Variants in SGSM1 observed in about 807,000 individuals in gnomAD.
SGSM1 encodes the protein RUN and TBC1 domain containing 2.
SGSM1 carries 73 observed loss-of-function variants against 133.8 expected under a neutral mutation model. The observed-to-expected ratio is 0.55, with a 90% CI of 0.45 to 0.66. The LOEUF is 0.66. Ranked by LOEUF, SGSM1 falls within the 30% of genes least tolerant of loss-of-function variation. The pLI is 0.00. For synonymous variants in SGSM1, 563 were observed against 573.0 expected (o/e 0.98, Z 0.25); for missense variants, 1,213 against 1,448.1 (o/e 0.84, Z 2.64).
At chr22:24,906,824 G>A (rs2123723878) in intron 21 of SGSM1, among the ~76,000 whole-genome samples, 1 of 152,238 alleles carries the variant, frequency 6.6e-6, no homozygotes, top group South Asian at 2.1e-4. Context: ...GGTGGCGCAT[G>A]CCTCTAATTC....
intron 13 of SGSM1, 94 bp from the exon 14 acceptor site, chr22:24,879,368 C>G: frequency 8.5e-7 from 1 of 1,181,084 alleles, no homozygotes; most frequent in South Asian, 1.4e-5. Context: ...TGATATTAAT[C>G]TGCCCTCTAG....
intron 8 of SGSM1, among the ~76,000 whole-genome samples, chr22:24,858,617 CAGAGCG>C (rs1930944409): frequency 7.6e-6 from 1 of 132,364 alleles, no homozygotes; most frequent in Non-Finnish European, 1.5e-5. Flanking sequence ...GCCTTGGCAA[CAGAGCG>C]AGACTCCATC....
intron 22 of SGSM1, among the ~76,000 whole-genome samples, chr22:24,913,501 G>A (rs1327599579): frequency 2.0e-5 from 3 of 152,108 alleles, no homozygotes; most frequent in Non-Finnish European, 4.4e-5. Flanking sequence ...CTCCCCAGAG[G>A]AATTAAGACA....
rs921229216 is a variant in SGSM1 at position 24,819,155 on chromosome 22, A to C, written c.63+12671A>C. Among the ~76,000 whole-genome samples the C allele has an allele frequency of 2.7e-5, 3 of 110,920 alleles. No individual in the cohort carries two copies. In the Admixed American group the frequency reaches 2.8e-4, roughly 10 times the overall value. 72.8% of individuals were successfully genotyped at this position (110,920 alleles called of 152,430 possible). On this transcript the variant is annotated intron_variant, in intron 2 of 24. Transcript: ENST00000400358. ...AGCAAGACTCTGTCAAAAAAAAAAAAAAACAATAATCACAACCCCAGTAAT... is the reference window on the plus strand; with the variant it reads ...AGCAAGACTCTGTCAAAAAAAAAAACAAACAATAATCACAACCCCAGTAAT...
At chr22:24,842,946 G>A (rs1929891520) in intron 2 of SGSM1, among the ~76,000 whole-genome samples, 3 of 152,064 alleles carry the variant, frequency 2.0e-5, no homozygotes, top group Non-Finnish European at 4.4e-5. Context: ...AGAAAACTAA[G>A]GTTCAGAGAA....
At chr22:24,889,768 G>A (rs531885102) in intron 16 of SGSM1, among the ~76,000 whole-genome samples, 14 of 150,122 alleles carry the variant, frequency 9.3e-5, no homozygotes, top group Non-Finnish European at 1.9e-4. Context: ...TCCTGCCTCA[G>A]CCTCCCAAAT....
At chr22:24,915,728 A>C (rs1933798968) in intron 22 of SGSM1, among the ~76,000 whole-genome samples, 1 of 152,202 alleles carries the variant, frequency 6.6e-6, no homozygotes, top group African/African-American at 2.4e-5. Context: ...TAGTTATTTT[A>C]AAATGTACAG....
intron 22 of SGSM1, among the ~76,000 whole-genome samples, chr22:24,916,480 G>A (rs1048114685): frequency 6.6e-6 from 1 of 152,102 alleles, no homozygotes; most frequent in Non-Finnish European, 1.5e-5. Flanking sequence ...ATCATCTGAA[G>A]CCAGGAGTTC....
At chr22:24,883,588 A>G (rs1468414090) in intron 14 of SGSM1, among the ~76,000 whole-genome samples, 2 of 152,192 alleles carry the variant, frequency 1.3e-5, no homozygotes, top group Non-Finnish European at 2.9e-5. Context: ...CCAGCCAGCA[A>G]GTGCATAAAG....
chr22:24,848,144 G>GTTTT (rs1457336206), intron 4 of SGSM1, among the ~76,000 whole-genome samples: 1 of 151,636 alleles, frequency 6.6e-6, no homozygotes, highest in Admixed American at 6.6e-5. Flanking sequence ...TTGTTTGTTT[G>GTTTT]TTGTCTGTCT....
intron 5 of SGSM1, among the ~76,000 whole-genome samples, chr22:24,851,101 A>C (rs1930432608): frequency 2.1e-5 from 1 of 48,638 alleles, no homozygotes; most frequent in South Asian, 7.4e-4. Context: ...ACTCCATCTC[A>C]AAAAAAAAAA....
chr22:24,859,911 G>T (rs548575058), intron 9 of SGSM1, 71 bp downstream of exon 9: 7 of 1,584,930 alleles, frequency 4.4e-6, no homozygotes, highest in Non-Finnish European at 6.0e-6. Flanking sequence ...GTTCCTCCCC[G>T]GGGGAGGGGA....
In SGSM1 at chr22:24,872,490, T is replaced by TA. The variant is rs554512814; in HGVS notation, c.1291+3645dup. Among the ~76,000 whole-genome samples the TA allele has an allele frequency of 1.4e-3, 201 of 148,414 alleles. 1 individual carries two copies. The highest frequency in any genetic ancestry group is 4.3e-3 in the African/African-American group (176 of 40,562). On this transcript the variant is annotated intron_variant, in intron 12 of 24. Transcript: ENST00000400358. Reference sequence around the variant, plus strand: ...CACACACTGGATTTTGAGACTTTGTTAAAAAAAAAAGTCTCAATAATTTTA... The same window carrying TA: ...CACACACTGGATTTTGAGACTTTGTTAAAAAAAAAAAGTCTCAATAATTTTA...
intron 19 of SGSM1, 31 bp downstream of exon 19, chr22:24,898,590 C>T (rs1178851150): frequency 7.1e-6 from 11 of 1,553,548 alleles, no homozygotes; most frequent in South Asian, 1.2e-5. Context: ...GTTCCATTTC[C>T]TTCTTTCCAG....
At chr22:24,916,078 A>G (rs1488701727) in intron 22 of SGSM1, among the ~76,000 whole-genome samples, 1 of 152,182 alleles carries the variant, frequency 6.6e-6, no homozygotes, top group African/African-American at 2.4e-5. Flanking sequence ...AATATAATTT[A>G]GATACATAAA....
In SGSM1 at chr22:24,900,374, T is replaced by C. The variant is rs76604563; in HGVS notation, c.2611-1459T>C. On this transcript the variant is annotated intron_variant, in intron 19 of 24. Transcript: ENST00000400358. ...TTCTTTCTTTCTTTCTTTCTTTCTT[T>C]CTTTCTTTCTTTCTTTCTTTCTTTC... Among the ~76,000 whole-genome samples the C allele has an allele frequency of 9.7e-4, 69 of 71,470 alleles. 1 individual carries two copies. The highest frequency in any genetic ancestry group is 3.4e-3 in the African/African-American group (65 of 19,234). 46.9% of individuals were successfully genotyped at this position (71,470 alleles called of 152,430 possible). A position where few individuals can be genotyped will look rare whatever the true frequency, so the allele number is the denominator to read the frequency against.
chr22:24,813,910 G>A (rs1927908419), intron 2 of SGSM1: 1 of 152,326 alleles, frequency 6.6e-6, no homozygotes, highest in Admixed American at 6.5e-5. Flanking sequence ...TCACCCCTAA[G>A]GGCCCGCAGT....
intron 5 of SGSM1, among the ~76,000 whole-genome samples, 189 bp from the exon 6 acceptor site, chr22:24,854,807 C>A (rs1930672947): frequency 2.0e-5 from 3 of 152,038 alleles, no homozygotes; most frequent in Non-Finnish European, 4.4e-5. Flanking sequence ...CAGAGAAAGA[C>A]CTTATCTTAA....
At chr22:24,917,898 G>A (rs117932095) in intron 23 of SGSM1, 144 bp downstream of exon 23, 5 of 615,006 alleles carry the variant, frequency 8.1e-6, no homozygotes, top group African/African-American at 1.9e-5. Flanking sequence ...CCAGACTACC[G>A]TTTCACCTGC....
Sources: allele counts gnomAD v4.1 joint callset (sites outside exome capture counted in the v4.1 genomes callset), GRCh38; gene constraint gnomAD v4.1.1; transcripts MANE v1.5; gene names NCBI Gene and HGNC (gene_info 2026-07-23, HGNC 2026-07-21).